Variants in GADL1 observed in about 807,000 individuals in gnomAD.
GADL1 encodes GAD like acidic amino acid decarboxylase 1.
Under a neutral mutation model 69.5 loss-of-function variants are expected in GADL1, and 71 were observed. The observed-to-expected ratio is 1.02, with a 90% CI of 0.84 to 1.25. The LOEUF is 1.25. Ranked by LOEUF, GADL1 falls within the 50% of genes most tolerant of loss-of-function variation. GADL1 has a pLI of 0.00. For missense variants in GADL1, 737 were observed against 631.8 expected, an observed-to-expected ratio of 1.17 and a Z score of -1.79; for synonymous variants, 254 against 214.4, an observed-to-expected ratio of 1.18 and a Z score of -1.62.
At chr3:30,888,370 C>T (rs1698736748) in intron 1 of GADL1, among the ~76,000 whole-genome samples, 1 of 152,066 alleles carries the variant, frequency 6.6e-6, no homozygotes, top group African/African-American at 2.4e-5. Context: ...GTGCATACCT[C>T]ATAATTCAAA....
At chr3:30,748,443 A>G (rs1201800579) in intron 14 of GADL1, among the ~76,000 whole-genome samples, 1 of 141,766 alleles carries the variant, frequency 7.1e-6, no homozygotes, top group East Asian at 2.0e-4. Context: ...GTAAGGATGT[A>G]AGAAACACCC....
intron 14 of GADL1, among the ~76,000 whole-genome samples, chr3:30,733,082 T>G (rs542148512): frequency 6.6e-6 from 1 of 152,206 alleles, no homozygotes; most frequent in Non-Finnish European, 1.5e-5. Flanking sequence ...AAACTATCTG[T>G]GGGGAAGGAT....
At chr3:30,855,861 A>G (rs989083782) in intron 3 of GADL1, among the ~76,000 whole-genome samples, 11 of 151,490 alleles carry the variant, frequency 7.3e-5, no homozygotes, top group African/African-American at 2.7e-4. Context: ...TTAGGGGTTC[A>G]ATAAAAAAAC....
Position 30,814,858 on chromosome 3 carries a change from G to A in GADL1, c.1051-13770C>T, listed in dbSNP as rs547038772. 9.9e-5 allele frequency among the ~76,000 whole-genome samples: 15 copies of A among 152,080 alleles called. No individual in the cohort carries two copies. The South Asian group carries it at 3.1e-3, about 32-fold the overall frequency. On this transcript the variant is annotated intron_variant, in intron 11 of 14. Transcript: ENST00000282538. Reference sequence around the variant, plus strand: ...GGGCACCTGTAATCCCAGCTACTTGGAAGACTGAGGCAGGAGAATCACTTG... The same window carrying A: ...GGGCACCTGTAATCCCAGCTACTTGAAAGACTGAGGCAGGAGAATCACTTG...
chr3:30,762,181 G>A (rs17026567), intron 14 of GADL1, among the ~76,000 whole-genome samples: 2,086 of 152,218 alleles, frequency 0.014, 42 homozygotes, highest in African/African-American at 0.047. Flanking sequence ...TTTATGCAAG[G>A]CCTCTAACAG....
At chr3:30,728,720 T>C (rs562330843) in intron 14 of GADL1, among the ~76,000 whole-genome samples, 2 of 152,296 alleles carry the variant, frequency 1.3e-5, no homozygotes, top group East Asian at 3.9e-4. Context: ...CCAGGCATTT[T>C]CTCCCTAAGC....
intron 11 of GADL1, among the ~76,000 whole-genome samples, chr3:30,803,805 T>G (rs555857243): frequency 6.6e-6 from 1 of 152,314 alleles, no homozygotes; most frequent in South Asian, 2.1e-4. Context: ...TCCTTTAGTT[T>G]TAAGACATCA....
At chr3:30,783,092 G>T (rs62243170) in intron 13 of GADL1, among the ~76,000 whole-genome samples, 1 of 152,180 alleles carries the variant, frequency 6.6e-6, no homozygotes, top group East Asian at 1.9e-4. Context: ...TTGACCACCT[G>T]TTAACAGATA....
chr3:30,843,380 C>T (rs983301410), intron 8 of GADL1, among the ~76,000 whole-genome samples: 2 of 151,994 alleles, frequency 1.3e-5, no homozygotes, highest in Admixed American at 6.6e-5. Context: ...CTCAGTCTCC[C>T]GACTAGCTGG....
chr3:30,828,551 T>G, intron 11 of GADL1, among the ~76,000 whole-genome samples: 1 of 151,754 alleles, frequency 6.6e-6, no homozygotes, highest in East Asian at 1.9e-4. Flanking sequence ...GGAAAAGCAT[T>G]GCAAGCTTAT....
intron 11 of GADL1, among the ~76,000 whole-genome samples, chr3:30,804,825 T>C (rs1697224011): frequency 6.6e-6 from 1 of 152,318 alleles, no homozygotes; most frequent in South Asian, 2.1e-4. Context: ...TTCTTTAACA[T>C]TACCCATGTA....
intron 14 of GADL1, among the ~76,000 whole-genome samples, chr3:30,751,748 G>C (rs546655039): frequency 6.6e-6 from 1 of 152,170 alleles, no homozygotes; most frequent in Non-Finnish European, 1.5e-5. Context: ...CTAGATTTCT[G>C]CTGCGCTGGT....
intron 11 of GADL1, among the ~76,000 whole-genome samples, chr3:30,829,417 C>T (rs1360697685): frequency 6.6e-6 from 1 of 151,842 alleles, no homozygotes; most frequent in Non-Finnish European, 1.5e-5. Context: ...TTAGTTTTTT[C>T]CATGAACAGC....
intron 14 of GADL1, among the ~76,000 whole-genome samples, chr3:30,738,462 T>C (rs903937223): frequency 2.0e-5 from 3 of 152,166 alleles, no homozygotes; most frequent in Non-Finnish European, 4.4e-5. Flanking sequence ...CCGACATCTC[T>C]ACACTTTTTC....
At chr3:30,813,552 A>T (rs914947445) in intron 11 of GADL1, among the ~76,000 whole-genome samples, 2 of 152,212 alleles carry the variant, frequency 1.3e-5, no homozygotes, top group African/African-American at 4.8e-5. Flanking sequence ...TTCCTTCTCA[A>T]ATAGAATTTT....
rs1443636150 is a variant in GADL1, at chr3:30,762,865, T to A, written c.1392+15314A>T. On this transcript the variant is annotated intron_variant, in intron 14 of 14. Transcript: ENST00000282538. ...TTAGTCTTTCTTTTCCTTGCTTTAT[T>A]TCACTTAACATTACAATCTCCAGTT... is the stretch of plus-strand genomic sequence containing the variant. Among the ~76,000 whole-genome samples the A allele has an allele frequency of 8.5e-5, 13 of 152,182 alleles. 1 individual carries two copies. The highest frequency in any genetic ancestry group is 3.1e-4 in the African/African-American group (13 of 41,428).
intron 14 of GADL1, among the ~76,000 whole-genome samples, chr3:30,767,172 C>A (rs1029793199): frequency 6.6e-6 from 1 of 152,132 alleles, no homozygotes; most frequent in Admixed American, 6.6e-5. Flanking sequence ...GTTTCAGTAA[C>A]TTGTTCATGG....
At chr3:30,730,981 C>A (rs937058384) in intron 14 of GADL1, among the ~76,000 whole-genome samples, 1 of 152,184 alleles carries the variant, frequency 6.6e-6, no homozygotes, top group Admixed American at 6.5e-5. Flanking sequence ...CAATGGAGAA[C>A]CACGCTTTGA....
At chr3:30,818,412 T>C (rs191877517) in intron 11 of GADL1, among the ~76,000 whole-genome samples, 118 of 152,344 alleles carry the variant, frequency 7.7e-4, no homozygotes, top group Non-Finnish European at 1.5e-3. Flanking sequence ...TAATGCATAA[T>C]ATTTAGTCTG....
Sources: gnomAD v4.1 joint callset for allele counts (sites outside exome capture counted in the v4.1 genomes callset) on GRCh38, gnomAD v4.1.1 for gene constraint, MANE v1.5 for transcripts, NCBI Gene and HGNC (gene_info 2026-07-23, HGNC 2026-07-21) for gene names.